Variants in BANP observed in about 807,000 individuals in gnomAD.
BANP encodes the protein BTG3 associated nuclear protein.
BANP carries 11 observed loss-of-function variants against 68.1 expected under a neutral mutation model. That is an observed-to-expected ratio of 0.16 (90% CI 0.10 to 0.27). The LOEUF (loss-of-function observed/expected upper bound fraction) is 0.27. BANP is among the 10% of genes least tolerant of loss of function. BANP has a pLI of 1.00. For synonymous variants in BANP, 329 were observed against 303.2 expected (o/e 1.09, Z -0.88); for missense variants, 504 against 722.7 (o/e 0.70, Z 3.47).
chr16:88,007,495 C>G (rs930981175), intron 6 of BANP, among the ~76,000 whole-genome samples: 3 of 152,236 alleles, frequency 2.0e-5, no homozygotes, highest in Non-Finnish European at 2.9e-5. Context: ...CTGAGAGCCT[C>G]TGTGTGCCCT....
Position 88,077,117 on chromosome 16 carries a change from G to A in BANP, c.*456G>A, listed in dbSNP as rs1282947202. 1 of 171,706 alleles carries A rather than the reference G, an allele frequency of 5.8e-6. No individual in the cohort carries two copies. The allele number at this position is 171,706 out of a possible 1,614,324, so 10.6% of individuals were successfully genotyped here. On this transcript the variant is annotated 3_prime_UTR_variant, in exon 14 of 14. Coordinates refer to ENST00000682872, the MANE Select transcript of BANP (RefSeq NM_001386991.1). Reference sequence around the variant, plus strand: ...TGTGCTCTGTCCAGTGTCATGAGACGGGAGCCCTTTGCTGTGTGCTCTGTC... The same window carrying A: ...TGTGCTCTGTCCAGTGTCATGAGACAGGAGCCCTTTGCTGTGTGCTCTGTC...
intron 1 of BANP, among the ~76,000 whole-genome samples, chr16:87,962,258 A>AAAAAAAAAAAAAAC: frequency 1.4e-5 from 2 of 146,908 alleles, no homozygotes; most frequent in Non-Finnish European, 3.0e-5. Context: ...AAAAAAAAAG[A>AAAAAAAAAAAAAAC]AAGCACATTT....
At chr16:87,969,230 TTTGTTGTTG>T (rs72032414) in intron 1 of BANP, among the ~76,000 whole-genome samples, 20 of 150,584 alleles carry the variant, frequency 1.3e-4, no homozygotes, top group East Asian at 1.2e-3. Flanking sequence ...CTTACGTTGT[TTTGTTGTTG>T]TTGTTGTTGT....
intron 11 of BANP, among the ~76,000 whole-genome samples, chr16:88,056,817 C>A (rs978136627): frequency 6.6e-6 from 1 of 152,226 alleles, no homozygotes; most frequent in African/African-American, 2.4e-5. Flanking sequence ...CTTAGCAACA[C>A]TGAGTGATCA....
At chr16:88,073,996 TG>T (rs1413077560) in intron 13 of BANP, among the ~76,000 whole-genome samples, 7 of 152,180 alleles carry the variant, frequency 4.6e-5, no homozygotes, top group Non-Finnish European at 1.0e-4. Context: ...TGGTTGGACT[TG>T]GTGGTGAGCG....
At chr16:87,978,797 C>T (rs918563764) in intron 2 of BANP, 2 of 368,818 alleles carry the variant, frequency 5.4e-6, no homozygotes, top group South Asian at 2.0e-5. Flanking sequence ...GTGATAGAAC[C>T]CCAACCCTCC....
At chr16:88,025,732 C>G (rs1004177189) in intron 7 of BANP, among the ~76,000 whole-genome samples, 3 of 152,198 alleles carry the variant, frequency 2.0e-5, no homozygotes, top group Non-Finnish European at 2.9e-5. Context: ...ACACTTCTTC[C>G]TCTGTTTTAA....
At chr16:87,999,030 G>A (rs78878659) in intron 4 of BANP, among the ~76,000 whole-genome samples, 2 of 123,838 alleles carry the variant, frequency 1.6e-5, no homozygotes, top group African/African-American at 3.1e-5. Flanking sequence ...ATGCACGCAC[G>A]TGTGCGGCTG....
At chr16:87,971,545 T>A (rs1054998868) in intron 1 of BANP, among the ~76,000 whole-genome samples, 2 of 152,016 alleles carry the variant, frequency 1.3e-5, no homozygotes, top group African/African-American at 4.8e-5. Context: ...CTTTCCGTTA[T>A]AAGTCACCTA....
chr16:88,001,596 G>T (rs917011250), intron 4 of BANP, among the ~76,000 whole-genome samples: 1 of 152,128 alleles, frequency 6.6e-6, no homozygotes, highest in African/African-American at 2.4e-5. Context: ...GTAGTTTCTG[G>T]CATTTTTTAA....
At chr16:87,989,319 C>T (rs1375548028) in intron 4 of BANP, among the ~76,000 whole-genome samples, 2 of 152,112 alleles carry the variant, frequency 1.3e-5, no homozygotes, top group African/African-American at 2.4e-5. Context: ...TGTAGTGACC[C>T]GAGGTTTTAA....
intron 1 of BANP, among the ~76,000 whole-genome samples, chr16:87,973,768 A>AAAAAAAAAAAAAAAAAAAGAAAG (rs2061546192): frequency 9.5e-6 from 1 of 104,934 alleles, no homozygotes; most frequent in African/African-American, 3.1e-5. Flanking sequence ...AAAAAAAAAA[A>AAAAAAAAAAAAAAAAAAAGAAAG]AAAAAAGAAA....
rs77880882 is a variant in BANP, at chr16:88,057,506, C to T, written c.1312-7761C>T. On this transcript the variant is annotated intron_variant, in intron 11 of 13. Coordinates refer to ENST00000682872, the MANE Select transcript of BANP (RefSeq NM_001386991.1). The surrounding 1 kb of genome is among the most constrained non-coding windows in gnomAD (Gnocchi z 4.6). ...TGTTCACCTCGTCAGAGTCAAGAAACGAGGAGTGAAAAACACCCCTCAGGT... is the reference window on the plus strand; with the variant it reads ...TGTTCACCTCGTCAGAGTCAAGAAATGAGGAGTGAAAAACACCCCTCAGGT... 8.2e-3 allele frequency among the ~76,000 whole-genome samples: 1,248 copies of T among 152,088 alleles called. 15 individuals are homozygous for T. Among genetic ancestry groups the T allele is most frequent in the African/African-American group, 0.028 (1,147 of 41,478 alleles).
intron 12 of BANP, among the ~76,000 whole-genome samples, chr16:88,069,191 C>G (rs2089652914): frequency 6.6e-6 from 1 of 152,230 alleles, no homozygotes; most frequent in South Asian, 2.1e-4. Context: ...GAAGGGGCAG[C>G]TGTGCCGGCA....
chr16:87,954,572 A>G (rs934474319), intron 1 of BANP, among the ~76,000 whole-genome samples: 26 of 152,014 alleles, frequency 1.7e-4, no homozygotes, highest in East Asian at 1.2e-3. Context: ...ACTTGCAGAT[A>G]TTTTCTCTGG....
intron 12 of BANP, among the ~76,000 whole-genome samples, chr16:88,065,614 A>G (rs558039440): frequency 3.5e-4 from 53 of 152,302 alleles, no homozygotes; most frequent in African/African-American, 1.2e-3. Context: ...TTCTGAAGAC[A>G]CAACAGGAAC....
chr16:88,076,226 A>G (rs1237246511), intron 13 of BANP, among the ~76,000 whole-genome samples: 2 of 152,212 alleles, frequency 1.3e-5, no homozygotes, highest in Non-Finnish European at 2.9e-5. Context: ...GCTTCAGGGA[A>G]ATATCTTCGG....
intron 13 of BANP, among the ~76,000 whole-genome samples, chr16:88,075,333 G>A (rs1234497202): frequency 6.6e-6 from 1 of 152,170 alleles, no homozygotes; most frequent in Non-Finnish European, 1.5e-5. Flanking sequence ...GTGACAGAGT[G>A]AGACTCCGTC....
chr16:87,995,245 C>T lies in BANP; in HGVS notation c.363-9050C>T, dbSNP rs115163629. On this transcript the variant is annotated intron_variant, in intron 4 of 13. Transcript: ENST00000682872. Reference sequence around the variant, plus strand: ...AGCCCCTGACGGCCAGGGAAGTAGGCTGTGGGCTGCCCTGGCCTGGGGGTT... The same window carrying T: ...AGCCCCTGACGGCCAGGGAAGTAGGTTGTGGGCTGCCCTGGCCTGGGGGTT... 8.0e-3 allele frequency among the ~76,000 whole-genome samples: 1,216 copies of T among 152,358 alleles called. 13 individuals are homozygous for T. Among genetic ancestry groups the T allele is most frequent in the African/African-American group, 0.027 (1,118 of 41,576 alleles).
Sources: gnomAD v4.1 joint callset for allele counts (sites outside exome capture counted in the v4.1 genomes callset) on GRCh38, gnomAD v4.1.1 for gene constraint, Gnocchi (gnomAD v3.1) non-coding constraint, MANE v1.5 for transcripts, NCBI Gene and HGNC (gene_info 2026-07-23, HGNC 2026-07-21) for gene names.